MRPL15: variants seen among roughly 807,000 people sequenced by gnomAD.
The protein encoded by MRPL15 is large ribosomal subunit protein uL15m.
Under a neutral mutation model 28.0 loss-of-function variants are expected in MRPL15, and 24 were observed. The observed-to-expected ratio is 0.86, with a 90% CI of 0.62 to 1.21. The LOEUF is 1.21. MRPL15 is among the 50% of genes most tolerant of loss of function. The pLI is 0.00. For missense variants in MRPL15, 343 were observed against 372.4 expected (o/e 0.92, Z 0.65); for synonymous variants, 124 against 137.0 (o/e 0.90, Z 0.66).
rs781614623 is a variant in MRPL15 at position 54,147,554 on chromosome 8, T to A, written c.726T>A (p.Tyr242Ter). Residue 242 changes from tyrosine to a stop codon, truncating the protein, a stop_gained, in exon 5 of 5, where the codon TAT becomes TAA. Coordinates refer to ENST00000260102, the MANE Select transcript of MRPL15 (RefSeq NM_014175.4). LOFTEE classifies it high-confidence loss of function. ...TTGAACTCGCCAGGAAGTATGGTTA[T>A]ATCTTACCTGATATCACTAAAGATG... ...ARLELARKYG[Y>*]ILPDITKDEL... The A allele has an allele frequency of 7.4e-6, 12 of 1,614,096 alleles. No individual in the cohort carries two copies. Among genetic ancestry groups the A allele is most frequent in the Non-Finnish European group, 1.0e-5 (12 of 1,180,058 alleles).
intron 4 of MRPL15, among the ~76,000 whole-genome samples, chr8:54,144,703 G>A (rs1268665748): frequency 6.6e-6 from 1 of 152,076 alleles, no homozygotes; most frequent in African/African-American, 2.4e-5. Flanking sequence ...CCTGGGAGCA[G>A]AGGTTGTAGT....
chr8:54,142,151 ATTTTAT>A (rs1457201534), intron 3 of MRPL15, among the ~76,000 whole-genome samples: 1 of 147,784 alleles, frequency 6.8e-6, no homozygotes, highest in Non-Finnish European at 1.5e-5. Context: ...GCCTGGCCTT[ATTTTAT>A]TTTTATTTTT....
intron 1 of MRPL15, among the ~76,000 whole-genome samples, chr8:54,136,070 C>T (rs947682485): frequency 6.6e-6 from 1 of 152,070 alleles, no homozygotes; most frequent in African/African-American, 2.4e-5. Flanking sequence ...TCATTGCTTT[C>T]GTGAAATGAC....
chr8:54,142,930 T>A, intron 4 of MRPL15, 144 bp downstream of exon 4: 3 of 1,210,482 alleles, frequency 2.5e-6, no homozygotes, highest in Non-Finnish European at 2.3e-6. Context: ...TATTATGATT[T>A]AAAGAATACA....
intron 4 of MRPL15, among the ~76,000 whole-genome samples, chr8:54,143,172 C>A (rs1810961820): frequency 6.6e-6 from 1 of 152,064 alleles, no homozygotes; most frequent in Non-Finnish European, 1.5e-5. Context: ...CTTCTGCCTC[C>A]CAGGTTCAAG....
At position 54,141,249 on chromosome 8, in the gene MRPL15, T is replaced by A. The variant is rs140246666; in HGVS notation, c.430-1414T>A. Among the ~76,000 whole-genome samples the A allele has an allele frequency of 2.0e-5, 3 of 152,356 alleles. No individual in the cohort carries two copies. In the East Asian group the frequency reaches 5.8e-4, roughly 29 times the overall value. On this transcript the variant is annotated intron_variant, in intron 3 of 4. Coordinates refer to ENST00000260102, the MANE Select transcript of MRPL15 (RefSeq NM_014175.4). ...CTTGGGCAATGCAACCTCTGTGCGT[T>A]GGTATTTCCATCTATGAAGTCGGTA... is the stretch of plus-strand genomic sequence containing the variant.
At chr8:54,142,882 G>A (rs559418547) in intron 4 of MRPL15, 96 bp downstream of exon 4, 2 of 1,507,786 alleles carry the variant, frequency 1.3e-6, no homozygotes, top group South Asian at 1.2e-5. Context: ...GTTGGTAGTA[G>A]TTTGGATGTA....
chr8:54,136,586 C>G lies in MRPL15; in HGVS notation c.184C>G (p.Arg62Gly). The part of the protein sequence containing the change: ...GHKGERQRGT[R>G]PRLGFEGGQT... ...TAAAGGAGAAAGGCAAAGAGGAACC[C>G]GGCCCCGCTTGGGCTTTGAGGGAGG... The change falls in exon 2 of 5, where the codon CGG becomes GGG. Residue 62 changes from arginine to glycine, a missense_variant. Arg to Gly is a moderately radical substitution (Grantham distance 125). Transcript: ENST00000260102. 2 of 1,614,182 alleles carry G rather than the reference C, an allele frequency of 1.2e-6. No homozygotes were observed. The highest frequency in any genetic ancestry group is 8.5e-7 in the Non-Finnish European group (1 of 1,180,032).
At chr8:54,140,259 T>C (rs1488929644) in intron 3 of MRPL15, among the ~76,000 whole-genome samples, 1 of 152,114 alleles carries the variant, frequency 6.6e-6, no homozygotes, top group Non-Finnish European at 1.5e-5. Context: ...TTTTTTTCTG[T>C]CTTTTTTATT....
In MRPL15 at chr8:54,137,394, G is replaced by A. The variant is rs1264770427; in HGVS notation, c.390G>A (p.Gln130=). The part of the protein sequence containing the change: ...QLVNGRGVTI[Q]PLKRDYGVQL... ...TCAATGGGAGAGGTGTGACCATCCA[G>A]CCACTTAAAAGGGATTATGGTGTCC... The change falls in exon 3 of 5, where the codon CAG becomes CAA. Residue 130 remains glutamine, a synonymous_variant. Coordinates refer to ENST00000260102, the MANE Select transcript of MRPL15 (RefSeq NM_014175.4). The A allele has an allele frequency of 1.2e-6, 2 of 1,613,982 alleles. No homozygotes were observed. The highest frequency in any genetic ancestry group is 1.7e-6 in the Non-Finnish European group (2 of 1,180,026).
chr8:54,138,413 G>A (rs944546321), intron 3 of MRPL15, among the ~76,000 whole-genome samples: 7 of 144,938 alleles, frequency 4.8e-5, no homozygotes, highest in Admixed American at 1.4e-4. Context: ...TGCTGCCCAG[G>A]TTCAAGCTAT....
chr8:54,138,422 A>C (rs1265454709), intron 3 of MRPL15, among the ~76,000 whole-genome samples: 1 of 141,496 alleles, frequency 7.1e-6, no homozygotes, highest in Non-Finnish European at 1.5e-5. Context: ...GGTTCAAGCT[A>C]TTCTCGTGCC....
rs1224564656 is a variant in MRPL15 at position 54,147,483 on chromosome 8, A to C, written c.655A>C (p.Asn219His). ...ELVPYYTDAK[N>H]RGYLADPAKF... ...GGTACCATATTACACTGATGCAAAG[A>C]ACCGTGGGTACCTGGCGGATCCTGC... The change falls in exon 5 of 5, where the codon AAC becomes CAC. Residue 219 changes from asparagine (N) to histidine (H), a missense_variant. By Grantham distance (68) the Asn-to-His change is moderately conservative. Coordinates refer to ENST00000260102, the MANE Select transcript of MRPL15 (RefSeq NM_014175.4). The C allele has an allele frequency of 6.2e-7, 1 of 1,614,226 alleles. No individual in the cohort carries two copies. Among genetic ancestry groups the C allele is most frequent in the South Asian group, 1.1e-5 (1 of 91,084 alleles).
chr8:54,139,335 A>G (rs1563716916), intron 3 of MRPL15, among the ~76,000 whole-genome samples: 1 of 152,194 alleles, frequency 6.6e-6, no homozygotes, highest in Admixed American at 6.6e-5. Context: ...CTGTTTGCCA[A>G]TAATACAGTT....
At chr8:54,141,720 A>G (rs1237834304) in intron 3 of MRPL15, among the ~76,000 whole-genome samples, 1 of 152,222 alleles carries the variant, frequency 6.6e-6, no homozygotes, top group East Asian at 1.9e-4. Context: ...AATCATCTCT[A>G]GATTACTTAT....
chr8:54,136,595 T>C lies in MRPL15; in HGVS notation c.193T>C (p.Leu65=). 2 of 1,614,236 alleles carry C rather than the reference T, an allele frequency of 1.2e-6. No individual in the cohort carries two copies. Among genetic ancestry groups the C allele is most frequent in the South Asian group, 1.1e-5 (1 of 91,082 alleles). ...GERQRGTRPR[L]GFEGGQTPFY... is the part of the protein sequence containing the mutation. ...AAGGCAAAGAGGAACCCGGCCCCGC[T>C]TGGGCTTTGAGGGAGGCCAGACTCC... The change falls in exon 2 of 5, where the codon TTG becomes CTG. Residue 65 remains leucine, a synonymous_variant. Transcript: ENST00000260102.
At chr8:54,142,533 T>C in intron 3 of MRPL15, 130 bp from the exon 4 acceptor site, 3 of 1,034,570 alleles carry the variant, frequency 2.9e-6, no homozygotes, top group South Asian at 3.5e-5. Context: ...CCCACAGATA[T>C]GGAGGACTAA....
chr8:54,140,247 C>CT (rs929844993), intron 3 of MRPL15, among the ~76,000 whole-genome samples: 23 of 151,780 alleles, frequency 1.5e-4, no homozygotes, highest in Non-Finnish European at 3.2e-4. Context: ...CTACATTTTC[C>CT]TTTTTTTTCT....
intron 4 of MRPL15, 110 bp from the exon 5 acceptor site, chr8:54,147,272 T>C (rs1312516960): frequency 3.9e-6 from 3 of 772,432 alleles, no homozygotes; most frequent in African/African-American, 1.8e-5. Context: ...AGAGAAACTC[T>C]GTAACATCTC....
Sources: gnomAD v4.1 joint callset for allele counts (sites outside exome capture counted in the v4.1 genomes callset) on GRCh38, gnomAD v4.1.1 for gene constraint, MANE v1.5 for transcripts, NCBI Gene and HGNC (gene_info 2026-07-23, HGNC 2026-07-21) for gene names.